Variants in ROR1 observed in about 807,000 individuals in gnomAD.
The protein encoded by ROR1 is ROR family WNT receptor 1.
A neutral mutation model predicts 78.8 loss-of-function variants in ROR1; 19 were observed. The ratio of observed to expected loss-of-function variants is 0.24; its 90% CI spans 0.17 to 0.35. The LOEUF is 0.35. ROR1 is among the 10% of genes least tolerant of loss of function. ROR1 has a pLI of 1.00. For missense variants in ROR1, 917 were observed against 1,177.8 expected, an observed-to-expected ratio of 0.78 and a Z score of 3.24; for synonymous variants, 386 against 433.6, an observed-to-expected ratio of 0.89 and a Z score of 1.36.
At chr1:64,101,009 G>A (rs944034540) in intron 4 of ROR1, among the ~76,000 whole-genome samples, 7 of 152,200 alleles carry the variant, frequency 4.6e-5, no homozygotes, top group Non-Finnish European at 7.3e-5. Context: ...ATGCTGGCAC[G>A]TAGTGCATTC....
chr1:63,793,954 T>C (rs1644742618), intron 1 of ROR1, among the ~76,000 whole-genome samples: 1 of 152,178 alleles, frequency 6.6e-6, no homozygotes, highest in South Asian at 2.1e-4. Context: ...GAAAGACTCC[T>C]GTCTCCGTTG....
chr1:63,817,216 C>G (rs1644897383), intron 1 of ROR1, among the ~76,000 whole-genome samples: 1 of 152,156 alleles, frequency 6.6e-6, no homozygotes, highest in Non-Finnish European at 1.5e-5. Context: ...TAATGCTGCC[C>G]TGCCTGAGGT....
At chr1:63,894,301 A>G (rs1198980642) in intron 1 of ROR1, among the ~76,000 whole-genome samples, 1 of 152,178 alleles carries the variant, frequency 6.6e-6, no homozygotes, top group Non-Finnish European at 1.5e-5. Flanking sequence ...TTTCCATTCC[A>G]TATTTTCAGA....
intron 2 of ROR1, among the ~76,000 whole-genome samples, chr1:64,028,328 G>A (rs1646630884): frequency 1.3e-5 from 2 of 152,094 alleles, no homozygotes; most frequent in Admixed American, 1.3e-4. Flanking sequence ...CAGATCAAAT[G>A]AATTGGGCAC....
At chr1:63,831,830 A>T (rs1644990832) in intron 1 of ROR1, among the ~76,000 whole-genome samples, 1 of 152,000 alleles carries the variant, frequency 6.6e-6, no homozygotes, top group Non-Finnish European at 1.5e-5. Context: ...AAACTTTTCT[A>T]CTCTGCTTCC....
intron 1 of ROR1, among the ~76,000 whole-genome samples, chr1:63,797,776 C>G (rs1644770258): frequency 6.6e-6 from 1 of 151,848 alleles, no homozygotes; most frequent in African/African-American, 2.4e-5. Context: ...TTATGGTTAT[C>G]ATTTTTACTA....
intron 4 of ROR1, among the ~76,000 whole-genome samples, chr1:64,093,201 G>A (rs1205591609): frequency 6.6e-6 from 1 of 152,138 alleles, no homozygotes; most frequent in Non-Finnish European, 1.5e-5. Context: ...TGGACAAGCT[G>A]GATGAGTCTC....
chr1:64,097,914 G>T (rs1647359727), intron 4 of ROR1, among the ~76,000 whole-genome samples: 2 of 152,142 alleles, frequency 1.3e-5, no homozygotes, highest in Non-Finnish European at 2.9e-5. Context: ...ATTGGCAGTT[G>T]CTGAATAGTA....
chr1:64,157,605 G>A (rs754787277), intron 7 of ROR1, among the ~76,000 whole-genome samples: 7 of 152,118 alleles, frequency 4.6e-5, no homozygotes, highest in African/African-American at 1.4e-4. Context: ...AACAAGGTGT[G>A]TACAAGTAAA....
chr1:63,842,770 AGGGAG>A (rs1261868436), intron 1 of ROR1, among the ~76,000 whole-genome samples: 1 of 152,002 alleles, frequency 6.6e-6, no homozygotes, highest in Non-Finnish European at 1.5e-5. Context: ...CAGCCAGCAC[AGGGAG>A]GGGTCATCTC....
At chr1:63,946,135 G>T (rs926067669) in intron 1 of ROR1, among the ~76,000 whole-genome samples, 1 of 152,180 alleles carries the variant, frequency 6.6e-6, no homozygotes, top group Non-Finnish European at 1.5e-5. Context: ...CCCTGGCTTG[G>T]TACTGCTTCT....
At position 64,179,772 on chromosome 1, in the gene ROR1, T is replaced by G. The variant is rs1650500524; in HGVS notation, c.*917T>G. ...TTCTGGAACCAGTAACACTGAAAAATAAGTGTGTGGCTACAGATGAGCACG... is the reference window on the plus strand; with the variant it reads ...TTCTGGAACCAGTAACACTGAAAAAGAAGTGTGTGGCTACAGATGAGCACG... On this transcript the variant is annotated 3_prime_UTR_variant, in exon 9 of 9. Coordinates refer to ENST00000371079, the MANE Select transcript of ROR1 (RefSeq NM_005012.4). 6.6e-6 allele frequency: 1 copy of G among 152,012 alleles called. No individual in the cohort carries two copies. Among genetic ancestry groups the G allele is most frequent in the Non-Finnish European group, 1.5e-5 (1 of 68,016 alleles). 9.4% of individuals were successfully genotyped at this position (152,012 alleles called of 1,614,324 possible).
intron 1 of ROR1, among the ~76,000 whole-genome samples, chr1:63,799,779 G>A (rs1644784552): frequency 6.6e-6 from 1 of 152,116 alleles, no homozygotes; most frequent in Admixed American, 6.5e-5. Context: ...TCAGTGTTCA[G>A]CACATTGAGC....
intron 8 of ROR1, among the ~76,000 whole-genome samples, chr1:64,165,330 T>C (rs907683231): frequency 1.3e-5 from 2 of 152,210 alleles, no homozygotes; most frequent in Non-Finnish European, 2.9e-5. Context: ...TTTGCATTTC[T>C]CTAATAATCA....
chr1:64,005,545 G>A (rs566719780), intron 1 of ROR1, among the ~76,000 whole-genome samples: 2 of 152,274 alleles, frequency 1.3e-5, no homozygotes, highest in Non-Finnish European at 2.9e-5. Flanking sequence ...GTGGTGAGGC[G>A]AATAGGAATC....
At chr1:63,867,138 G>T (rs1216810236) in intron 1 of ROR1, among the ~76,000 whole-genome samples, 2 of 152,176 alleles carry the variant, frequency 1.3e-5, no homozygotes, top group Non-Finnish European at 2.9e-5. Context: ...ACTCCTGCTG[G>T]ACTGTAAACT....
At chr1:64,165,435 T>C (rs1289136914) in intron 8 of ROR1, among the ~76,000 whole-genome samples, 2 of 152,156 alleles carry the variant, frequency 1.3e-5, no homozygotes, top group Non-Finnish European at 2.9e-5. Context: ...GTTGTTTTTC[T>C]TTAAATTCCT....
At chr1:64,090,340 A>G (rs1647185807) in intron 4 of ROR1, among the ~76,000 whole-genome samples, 1 of 152,194 alleles carries the variant, frequency 6.6e-6, no homozygotes, top group African/African-American at 2.4e-5. Flanking sequence ...AAAGCAGAGG[A>G]TCTCAAAAGT....
intron 1 of ROR1, chr1:63,843,320 G>T: frequency 8.5e-7 from 1 of 1,181,746 alleles, no homozygotes; most frequent in South Asian, 1.2e-5. Context: ...GCTTCTTGAC[G>T]GCGTCCTTGG....
Sources: allele counts gnomAD v4.1 joint callset (sites outside exome capture counted in the v4.1 genomes callset), GRCh38; gene constraint gnomAD v4.1.1; transcripts MANE v1.5; gene names NCBI Gene and HGNC (gene_info 2026-07-23, HGNC 2026-07-21).